The following POPDC1 variants were observed in gnomAD, a reference collection of about 807,000 sequenced individuals.
The protein encoded by POPDC1 is popeye domain-containing protein 1.
chr6:105,099,712 AC>A, the POPDC1 span: 1 of 152,100 alleles, frequency 6.6e-6, no homozygotes, highest in Non-Finnish European at 1.5e-5. Context: ...CCTGTAGTAA[AC>A]CCTCTGCCTT....
chr6:105,125,310 T>G, the POPDC1 span: 1 of 1,476,458 alleles, frequency 6.8e-7, no homozygotes, highest in Non-Finnish European at 9.3e-7. Context: ...TTGGCAACAT[T>G]TCCTCCCATT....
At chr6:105,111,652 A>T in the POPDC1 span, among the ~76,000 whole-genome samples, 9 of 152,348 alleles carry the variant, frequency 5.9e-5, no homozygotes, top group East Asian at 1.5e-3. Context: ...CTGTCTCATG[A>T]CTTCACTTTC....
chr6:105,108,586 A>G, the POPDC1 span, among the ~76,000 whole-genome samples: 6 of 152,258 alleles, frequency 3.9e-5, no homozygotes, highest in South Asian at 1.2e-3. Context: ...CACAACAGCA[A>G]GGCAATGAAA....
chr6:105,124,542 C>T, the POPDC1 span: 2 of 1,570,582 alleles, frequency 1.3e-6, no homozygotes, highest in African/African-American at 2.7e-5. Context: ...CATGTGAAAA[C>T]ATACCTGGAA....
the POPDC1 span, among the ~76,000 whole-genome samples, chr6:105,105,712 T>A: frequency 6.8e-6 from 1 of 147,512 alleles, no homozygotes; most frequent in Non-Finnish European, 1.5e-5. Flanking sequence ...CATTAATAAA[T>A]AACTTCTACA....
At chr6:105,131,867 C>T in the POPDC1 span, among the ~76,000 whole-genome samples, 20 of 151,840 alleles carry the variant, frequency 1.3e-4, no homozygotes, top group African/African-American at 4.6e-4. Context: ...CTCCCTGTTC[C>T]TACTGCTGTA....
the POPDC1 span, among the ~76,000 whole-genome samples, chr6:105,121,987 C>T: frequency 6.6e-6 from 1 of 152,178 alleles, no homozygotes; most frequent in Non-Finnish European, 1.5e-5. Context: ...GATGATCAAG[C>T]GTCCTCTGCC....
At chr6:105,109,294 A>G in the POPDC1 span, among the ~76,000 whole-genome samples, 20 of 152,198 alleles carry the variant, frequency 1.3e-4, 1 homozygote, top group South Asian at 8.3e-4. Flanking sequence ...TGCAGCAAGA[A>G]AAAGAAATGG....
At chr6:105,129,473 A>G in the POPDC1 span, 1 of 1,612,526 alleles carries the variant, frequency 6.2e-7, no homozygotes, top group Non-Finnish European at 8.5e-7. Flanking sequence ...ACATCGGTAG[A>G]GAGTGGCCCA....
At chr6:105,117,606 T>C in the POPDC1 span, among the ~76,000 whole-genome samples, 1 of 152,194 alleles carries the variant, frequency 6.6e-6, no homozygotes, top group East Asian at 1.9e-4. Flanking sequence ...TGAGGGGCCA[T>C]GCCCTCACCA....
chr6:105,124,378 T>C, the POPDC1 span, among the ~76,000 whole-genome samples: 189 of 80,134 alleles, frequency 2.4e-3, 10 homozygotes, highest in South Asian at 0.094. Context: ...CAAGACTCCG[T>C]CTCAAACAAA....
chr6:105,132,329 C>T, the POPDC1 span, among the ~76,000 whole-genome samples: 1 of 152,190 alleles, frequency 6.6e-6, no homozygotes, highest in African/African-American at 2.4e-5. Context: ...ATTTCCTTCT[C>T]TTCTGTGCTC....
At chr6:105,126,053 C>T in the POPDC1 span, among the ~76,000 whole-genome samples, 2 of 151,892 alleles carry the variant, frequency 1.3e-5, no homozygotes, top group South Asian at 2.1e-4. Context: ...GTGAAACCCC[C>T]ATCTCTACTA....
At chr6:105,125,578 C>T in the POPDC1 span, 2 of 1,613,704 alleles carry the variant, frequency 1.2e-6, no homozygotes, top group South Asian at 1.1e-5. Flanking sequence ...TCAATCTTTA[C>T]CTGAAATGCA....
At chr6:105,115,588 T>C in the POPDC1 span, 6 of 1,429,994 alleles carry the variant, frequency 4.2e-6, no homozygotes, top group East Asian at 4.8e-5. Flanking sequence ...TTCAAATAGT[T>C]ACCTGCAAAG....
chr6:105,131,229 C>A, the POPDC1 span, among the ~76,000 whole-genome samples: 2 of 151,888 alleles, frequency 1.3e-5, no homozygotes, highest in African/African-American at 4.8e-5. Context: ...TGAATAAAGC[C>A]CAAAATGTAA....
chr6:105,117,554 A>C, the POPDC1 span, among the ~76,000 whole-genome samples: 140,368 of 152,274 alleles, frequency 0.92, 64,850 homozygotes, highest in Non-Finnish European at 0.96. Context: ...AACTGCACGA[A>C]ACAGAGCTCA....
chr6:105,128,273 T>C, the POPDC1 span, among the ~76,000 whole-genome samples: 1 of 152,222 alleles, frequency 6.6e-6, no homozygotes. Flanking sequence ...ATGTCACTTG[T>C]TTTTGCCAAT....
At chr6:105,108,107 A>G in the POPDC1 span, among the ~76,000 whole-genome samples, 1 of 152,192 alleles carries the variant, frequency 6.6e-6, no homozygotes, top group Non-Finnish European at 1.5e-5. Flanking sequence ...CGGATGGACC[A>G]TCAGGGCCGT....
Sources: gnomAD v4.1 joint callset for allele counts (sites outside exome capture counted in the v4.1 genomes callset) on GRCh38, gnomAD v4.1.1 for gene constraint, MANE v1.5 for transcripts, NCBI Gene and HGNC (gene_info 2026-07-23, HGNC 2026-07-21) for gene names.